HERC3: variants seen among roughly 807,000 people sequenced by gnomAD.
HERC3 encodes the protein HECT and RLD domain containing E3 ubiquitin protein ligase 3.
In HERC3, 58 loss-of-function variants were observed where a neutral mutation model predicts 129.9. The ratio of observed to expected loss-of-function variants is 0.45; its 90% CI spans 0.36 to 0.56. The LOEUF is 0.56. HERC3 is among the 20% of genes least tolerant of loss of function. The probability of loss-of-function intolerance (pLI) is 0.00; values close to 1 mark genes in which losing one functional copy is unlikely to be tolerated. For missense variants in HERC3, 835 were observed against 1,244.2 expected (o/e 0.67, Z 4.95); for synonymous variants, 430 against 451.0 (o/e 0.95, Z 0.59).
At chr4:88,663,941 T>A (rs1730777417) in intron 11 of HERC3, among the ~76,000 whole-genome samples, 1 of 152,176 alleles carries the variant, frequency 6.6e-6, no homozygotes, top group African/African-American at 2.4e-5. Flanking sequence ...TATTCTTTTT[T>A]TTCCCCTAAC....
At chr4:88,601,526 T>C (rs1465175167) in intron 2 of HERC3, among the ~76,000 whole-genome samples, 1 of 152,268 alleles carries the variant, frequency 6.6e-6, no homozygotes, top group Non-Finnish European at 1.5e-5. Flanking sequence ...GATTGGCTGA[T>C]ATATTCAGCT....
intron 3 of HERC3, among the ~76,000 whole-genome samples, 154 bp from the exon 4 acceptor site, chr4:88,649,686 T>C (rs1729068533): frequency 6.6e-6 from 1 of 152,098 alleles, no homozygotes; most frequent in Non-Finnish European, 1.5e-5. Flanking sequence ...TTGATAGAGT[T>C]TAGAAATATG....
the HERC3 span, among the ~76,000 whole-genome samples, chr4:88,533,311 G>A: frequency 6.6e-6 from 1 of 152,074 alleles, no homozygotes; most frequent in Admixed American, 6.5e-5. Flanking sequence ...ATGAGTCTGC[G>A]TCTCCCAGTC....
intron 3 of HERC3, among the ~76,000 whole-genome samples, chr4:88,616,989 C>T (rs1182611300): frequency 6.6e-6 from 1 of 151,990 alleles, no homozygotes; most frequent in Non-Finnish European, 1.5e-5. Context: ...AGTGCTTTAC[C>T]AGCCAGGGTC....
At chr4:88,530,102 C>T in the HERC3 span, among the ~76,000 whole-genome samples, 1 of 152,000 alleles carries the variant, frequency 6.6e-6, no homozygotes, top group Non-Finnish European at 1.5e-5. Context: ...CTGGCCTGGC[C>T]AACATGGTGA....
intron 4 of HERC3, among the ~76,000 whole-genome samples, chr4:88,651,042 CT>C (rs1161210755): frequency 1.3e-5 from 2 of 152,094 alleles, no homozygotes; most frequent in Non-Finnish European, 2.9e-5. Flanking sequence ...AGATTCATTT[CT>C]TCCAAAAATT....
chr4:88,670,346 G>A (rs1731482824), intron 16 of HERC3, 94 bp downstream of exon 16: 1 of 799,110 alleles, frequency 1.3e-6, no homozygotes, highest in Non-Finnish European at 2.1e-6. Context: ...TGATGTCAGT[G>A]TGTCACCTAT....
At chr4:88,704,732 A>G (rs1007914803) in intron 25 of HERC3, 122 bp downstream of exon 25, 10 of 647,146 alleles carry the variant, frequency 1.5e-5, no homozygotes, top group African/African-American at 1.1e-4. Context: ...GTAATTCACT[A>G]TATGTATGCT....
In HERC3 at chr4:88,707,678, T is replaced by TG. The variant is rs1447870483; in HGVS notation, c.*719dup. 1 of 152,262 alleles carries TG rather than the reference T, an allele frequency of 6.6e-6. No individual in the cohort carries two copies. The highest frequency in any genetic ancestry group is 2.4e-5 in the African/African-American group (1 of 41,462). 9.4% of individuals were successfully genotyped at this position (152,262 alleles called of 1,614,324 possible). ...ATGTGCAGAGCAGCTTAGCATTCGT[T>TG]GCAGCTGAGCCTAATTTTTTCTTGC... On this transcript the variant is annotated 3_prime_UTR_variant, in exon 26 of 26. Transcript: ENST00000402738.
At chr4:88,593,856 G>C (rs1326474039) in intron 1 of HERC3, among the ~76,000 whole-genome samples, 1 of 152,212 alleles carries the variant, frequency 6.6e-6, no homozygotes, top group Non-Finnish European at 1.5e-5. Context: ...TTACTGTGAA[G>C]CTCTCTCCTT....
chr4:88,640,772 A>AG (rs1157238437), intron 3 of HERC3, among the ~76,000 whole-genome samples: 1 of 152,246 alleles, frequency 6.6e-6, no homozygotes, highest in African/African-American at 2.4e-5. Flanking sequence ...AGGAAAACAT[A>AG]GGAATCCCAA....
At chr4:88,591,903 G>A (rs1404259694), upstream of HERC3, among the ~76,000 whole-genome samples, 1 of 151,872 alleles carries the variant, frequency 6.6e-6, no homozygotes, top group East Asian at 1.9e-4. Flanking sequence ...GCCCCGTGCC[G>A]GTCTTCGATC....
At chr4:88,601,993 T>C (rs2149182736) in intron 2 of HERC3, among the ~76,000 whole-genome samples, 1 of 88,520 alleles carries the variant, frequency 1.1e-5, no homozygotes, top group East Asian at 4.3e-4. Context: ...GAGGCGGAGC[T>C]TGCAGTGAGC....
At chr4:88,546,118 T>C in the HERC3 span, among the ~76,000 whole-genome samples, 2 of 152,204 alleles carry the variant, frequency 1.3e-5, no homozygotes, top group Non-Finnish European at 2.9e-5. Context: ...AAATTTCCAG[T>C]ATTTCACAAT....
intron 6 of HERC3, 121 bp from the exon 7 acceptor site, chr4:88,653,921 G>T (rs1206282115): frequency 7.3e-6 from 5 of 689,338 alleles, no homozygotes; most frequent in Non-Finnish European, 1.3e-5. Context: ...AAGTACAGAT[G>T]CAGGCAGGAA....
chr4:88,647,827 G>C (rs1484404292), intron 3 of HERC3, among the ~76,000 whole-genome samples: 1 of 118,278 alleles, frequency 8.5e-6, no homozygotes. Context: ...TTTTTTTGCT[G>C]CTTACCTTTA....
the HERC3 span, among the ~76,000 whole-genome samples, chr4:88,561,781 G>C: frequency 1.3e-5 from 2 of 151,868 alleles, no homozygotes; most frequent in African/African-American, 4.8e-5. Context: ...TTCCATGCCT[G>C]GTTTATTTCA....
Position 88,706,991 on chromosome 4 carries a change from G to A in HERC3, c.*31G>A, listed in dbSNP as rs374475711. On this transcript the variant is annotated 3_prime_UTR_variant, in exon 26 of 26. Transcript: ENST00000402738. ...CTCAGCTTGTCCAGTATTTCCCTTCGTTCCTCAGTGTCCACATTGAGGCCT... is the reference window on the plus strand; with the variant it reads ...CTCAGCTTGTCCAGTATTTCCCTTCATTCCTCAGTGTCCACATTGAGGCCT... The A allele has an allele frequency of 1.3e-4, 194 of 1,540,648 alleles. No individual in the cohort carries two copies. The highest frequency in any genetic ancestry group is 1.7e-4 in the Admixed American group (10 of 59,808).
At chr4:88,657,919 A>T (rs962710249) in intron 9 of HERC3, among the ~76,000 whole-genome samples, 13 of 152,122 alleles carry the variant, frequency 8.5e-5, no homozygotes, top group African/African-American at 3.1e-4. Context: ...AGGCACCGAG[A>T]TGTGAAATAG....
Sources: gnomAD v4.1 joint callset for allele counts (sites outside exome capture counted in the v4.1 genomes callset) on GRCh38, gnomAD v4.1.1 for gene constraint, MANE v1.5 for transcripts, NCBI Gene and HGNC (gene_info 2026-07-23, HGNC 2026-07-21) for gene names.